CSMD1: variants seen among roughly 807,000 people sequenced by gnomAD.
CSMD1 encodes CUB and Sushi multiple domains 1.
In CSMD1, 213 loss-of-function variants were observed where a neutral mutation model predicts 417.5. The observed-to-expected ratio is 0.51, with a 90% CI of 0.46 to 0.57. The LOEUF is 0.57. Among genes scored for constraint, CSMD1 ranks in the 20% least tolerant of loss-of-function variants. The pLI, the probability that CSMD1 is intolerant of heterozygous loss-of-function variation, is 0.00. For missense variants in CSMD1, 6,923 were observed against 4,529.7 expected, an observed-to-expected ratio of 1.53 and a Z score of -15.17; for synonymous variants, 2,862 against 1,736.8, an observed-to-expected ratio of 1.65 and a Z score of -16.11.
At chr8:4,608,652 G>C (rs536404034) in intron 2 of CSMD1, among the ~76,000 whole-genome samples, 1 of 152,162 alleles carries the variant, frequency 6.6e-6, no homozygotes, top group African/African-American at 2.4e-5. Context: ...TTTAATCACC[G>C]TTTATTAAGC....
intron 2 of CSMD1, among the ~76,000 whole-genome samples, chr8:4,463,815 C>T (rs1024554638): frequency 1.1e-4 from 17 of 152,066 alleles, no homozygotes; most frequent in Non-Finnish European, 1.5e-4. Context: ...CCAAAAATAA[C>T]TGTGGTGATG....
At chr8:4,990,893 G>C (rs1186638230) in intron 1 of CSMD1, among the ~76,000 whole-genome samples, 1 of 152,076 alleles carries the variant, frequency 6.6e-6, no homozygotes, top group Non-Finnish European at 1.5e-5. Flanking sequence ...GGAGTTACAG[G>C]GTTTCTCTGG....
chr8:4,097,709 A>G (rs1801093673), intron 3 of CSMD1, among the ~76,000 whole-genome samples: 1 of 152,230 alleles, frequency 6.6e-6, no homozygotes, highest in Admixed American at 6.5e-5. Flanking sequence ...CAGAAAGAAC[A>G]TTCAACATAA....
intron 2 of CSMD1, among the ~76,000 whole-genome samples, chr8:4,529,699 G>A (rs1796692195): frequency 6.6e-6 from 1 of 151,944 alleles, no homozygotes; most frequent in Non-Finnish European, 1.5e-5. Context: ...ATAATTCATA[G>A]AATATGTGGC....
At chr8:4,227,583 C>T (rs567058748) in intron 3 of CSMD1, among the ~76,000 whole-genome samples, 1 of 152,054 alleles carries the variant, frequency 6.6e-6, no homozygotes, top group Non-Finnish European at 1.5e-5. Context: ...AGAAGTCCCA[C>T]AGCCCCCGAC....
chr8:3,036,800 G>C (rs912883868), intron 50 of CSMD1, among the ~76,000 whole-genome samples: 6 of 151,966 alleles, frequency 3.9e-5, no homozygotes, highest in African/African-American at 1.4e-4. Flanking sequence ...CAAGAACATG[G>C]GATTCTTTTC....
chr8:4,752,739 G>C lies in CSMD1; in HGVS notation c.86-115181C>G, dbSNP rs376355441. ...TGGGGCAACGAAAAAGTTGCTTCTT[G>C]GATTTGCTCCGTGGAAGGACAAAAG... On this transcript the variant is annotated intron_variant, in intron 1 of 69. Transcript: ENST00000635120. 2.0e-5 allele frequency among the ~76,000 whole-genome samples: 3 copies of C among 152,174 alleles called. 1 individual carries two copies. Among genetic ancestry groups the C allele is most frequent in the African/African-American group, 7.2e-5 (3 of 41,436 alleles).
chr8:4,247,563 G>A (rs1324316201), intron 3 of CSMD1, among the ~76,000 whole-genome samples: 1 of 151,996 alleles, frequency 6.6e-6, no homozygotes, highest in African/African-American at 2.4e-5. Context: ...TAAGAATTCC[G>A]CATAATACCA....
chr8:3,995,133 G>C (rs1408161213), intron 5 of CSMD1, among the ~76,000 whole-genome samples: 1 of 152,066 alleles, frequency 6.6e-6, no homozygotes, highest in Non-Finnish European at 1.5e-5. Context: ...AAAATAATAG[G>C]CTTTTTAAGA....
At chr8:3,080,484 A>G (rs891532703) in intron 49 of CSMD1, among the ~76,000 whole-genome samples, 9 of 152,188 alleles carry the variant, frequency 5.9e-5, no homozygotes, top group Admixed American at 2.0e-4. Flanking sequence ...AAACCAATAA[A>G]ATACATTTTG....
chr8:3,816,829 G>A (rs911465886), intron 5 of CSMD1, among the ~76,000 whole-genome samples: 15 of 151,992 alleles, frequency 9.9e-5, no homozygotes, highest in South Asian at 2.1e-4. Flanking sequence ...GTGGTTTCAG[G>A]TGTCTACTAG....
At chr8:4,263,966 A>G (rs1240072684) in intron 3 of CSMD1, among the ~76,000 whole-genome samples, 3 of 152,216 alleles carry the variant, frequency 2.0e-5, no homozygotes, top group Non-Finnish European at 4.4e-5. Flanking sequence ...ATAGCAGAAG[A>G]ATCATAGCCT....
intron 5 of CSMD1, among the ~76,000 whole-genome samples, chr8:3,872,564 T>C (rs1805546414): frequency 6.6e-6 from 1 of 152,208 alleles, no homozygotes; most frequent in African/African-American, 2.4e-5. Flanking sequence ...AGGTTGTCTG[T>C]TTCAGAATTG....
intron 3 of CSMD1, among the ~76,000 whole-genome samples, chr8:4,252,954 G>A (rs888041708): frequency 1.5e-4 from 23 of 152,134 alleles, no homozygotes; most frequent in Admixed American, 1.0e-3. Flanking sequence ...CTTTTAGACT[G>A]CACTTTTCAT....
intron 7 of CSMD1, among the ~76,000 whole-genome samples, chr8:3,621,450 A>C (rs1006409034): frequency 2.0e-5 from 3 of 152,168 alleles, no homozygotes; most frequent in African/African-American, 7.2e-5. Flanking sequence ...GGGAAAGAGA[A>C]GAAGGAATAT....
intron 3 of CSMD1, among the ~76,000 whole-genome samples, chr8:4,275,346 G>A (rs1585140223): frequency 6.6e-6 from 1 of 152,078 alleles, no homozygotes; most frequent in East Asian, 1.9e-4. Flanking sequence ...GTATTTGTTG[G>A]AAGAAACTCA....
chr8:3,245,184 C>CAGAA (rs1160273660), intron 26 of CSMD1, among the ~76,000 whole-genome samples: 2 of 152,206 alleles, frequency 1.3e-5, no homozygotes, highest in East Asian at 3.9e-4. Flanking sequence ...GCACTCCTGT[C>CAGAA]TTCTGAGTTG....
At chr8:3,917,130 G>C (rs939787449) in intron 5 of CSMD1, among the ~76,000 whole-genome samples, 7 of 152,110 alleles carry the variant, frequency 4.6e-5, no homozygotes, top group African/African-American at 1.2e-4. Context: ...GATAGTCTAA[G>C]AGAATGAGTG....
chr8:3,142,052 C>T (rs547809556), intron 41 of CSMD1, among the ~76,000 whole-genome samples: 17 of 152,262 alleles, frequency 1.1e-4, no homozygotes, highest in East Asian at 7.7e-4. Context: ...CCGCCTCGGC[C>T]TTCCAAAGTG....
Sources: allele counts gnomAD v4.1 joint callset (sites outside exome capture counted in the v4.1 genomes callset), GRCh38; gene constraint gnomAD v4.1.1; transcripts MANE v1.5; gene names NCBI Gene and HGNC (gene_info 2026-07-23, HGNC 2026-07-21).